DAP3: variants seen among roughly 807,000 people sequenced by gnomAD.
DAP3 encodes the protein death associated protein 3, also known as small ribosomal subunit protein mS29.
DAP3 carries 28 observed loss-of-function variants against 51.9 expected under a neutral mutation model. The ratio of observed to expected loss-of-function variants is 0.54; its 90% CI spans 0.40 to 0.74. The LOEUF (loss-of-function observed/expected upper bound fraction) is 0.74. Ranked by LOEUF, DAP3 falls within the 30% of genes least tolerant of loss-of-function variation. The pLI, the probability that DAP3 is intolerant of heterozygous loss-of-function variation, is 0.00. For missense variants in DAP3, 458 were observed against 483.5 expected (o/e 0.95, Z 0.49); for synonymous variants, 170 against 170.3 (o/e 1.00, Z 0.01).
In DAP3 at chr1:155,738,243, G is replaced by A. The variant is rs113031391; in HGVS notation, c.*1G>A. 1,889 of 1,614,146 alleles carry A rather than the reference G, an allele frequency of 1.2e-3. 1 individual carries two copies. The highest frequency in any genetic ancestry group is 1.5e-3 in the Non-Finnish European group (1,752 of 1,180,020). On this transcript the variant is annotated 3_prime_UTR_variant, in exon 13 of 13. Coordinates refer to ENST00000368336, the MANE Select transcript of DAP3 (RefSeq NM_004632.4). Reference sequence around the variant, plus strand: ...GGAGCGGCACTGTGCCTACCTCTAAGCCAAGATCACAGCATGTGAGGAAGA... The same window carrying A: ...GGAGCGGCACTGTGCCTACCTCTAAACCAAGATCACAGCATGTGAGGAAGA...
In DAP3 at chr1:155,726,781, T is replaced by C. The variant is rs1460033955; in HGVS notation, c.472+762T>C. On this transcript the variant is annotated intron_variant, in intron 6 of 12. Transcript: ENST00000368336. ...GCGTGGGCAACAAAGCAAGACCCTG[T>C]CTCAAAAAAAAAAAAAAAAAAGAAG... The C allele has an allele frequency of 1.6e-5, 2 of 125,388 alleles. 1 individual carries two copies. 7.8% of individuals were successfully genotyped at this position (125,388 alleles called of 1,614,324 possible). A position where few individuals can be genotyped will look rare whatever the true frequency, so the allele number is the denominator to read the frequency against.
chr1:155,690,127 G>A lies in DAP3; in HGVS notation c.-8+953G>A, dbSNP rs568404428. On this transcript the variant is annotated intron_variant, in intron 1 of 12. Coordinates refer to ENST00000368336, the MANE Select transcript of DAP3 (RefSeq NM_004632.4). Reference sequence around the variant, plus strand: ...ATAGTTGTATCAATGACTTGATTTAGATTAATGAGGATATATTTTTCAAAT... The same window carrying A: ...ATAGTTGTATCAATGACTTGATTTAAATTAATGAGGATATATTTTTCAAAT... 3.5e-4 allele frequency among the ~76,000 whole-genome samples: 50 copies of A among 141,414 alleles called. 2 individuals are homozygous for A. The highest frequency in any genetic ancestry group is 5.3e-4 in the Non-Finnish European group (36 of 68,018). 92.8% of individuals were successfully genotyped at this position (141,414 alleles called of 152,430 possible).
intron 2 of DAP3, among the ~76,000 whole-genome samples, chr1:155,712,111 ATACTT>A (rs1440501718): frequency 6.6e-6 from 1 of 152,030 alleles, no homozygotes; most frequent in Non-Finnish European, 1.5e-5. Context: ...CCCAGGAACA[ATACTT>A]TACAGCCTTT....
rs946995325 is a variant in DAP3, at chr1:155,727,700, A to G, written c.565A>G (p.Lys189Glu). The change falls in exon 7 of 13, where the codon AAG becomes GAG. Residue 189 changes from lysine (K) to glutamate (E), a missense_variant. Lys to Glu is a moderately conservative substitution (Grantham distance 56). Coordinates refer to ENST00000368336, the MANE Select transcript of DAP3 (RefSeq NM_004632.4). ...DQPLEASTWL[K>E]NFKTTNERFL... ...ACCTTTAGAGGCTTCAACCTGGCTG[A>G]AGAATTTCAAAACTACAAATGAGCG... 2.6e-5 allele frequency: 42 copies of G among 1,613,730 alleles called. No homozygotes were observed. The highest frequency in any genetic ancestry group is 3.4e-5 in the Non-Finnish European group (40 of 1,179,886).
At chr1:155,722,236 C>G (rs1658096487) in intron 4 of DAP3, among the ~76,000 whole-genome samples, 1 of 152,044 alleles carries the variant, frequency 6.6e-6, no homozygotes, top group Non-Finnish European at 1.5e-5. Context: ...GGAGACCTGT[C>G]TCTACAAAAA....
chr1:155,731,111 TA>T (rs1217005229), intron 9 of DAP3, among the ~76,000 whole-genome samples: 3 of 151,708 alleles, frequency 2.0e-5, no homozygotes, highest in African/African-American at 7.3e-5. Flanking sequence ...CTACTAAAAA[TA>T]CAAAAAAATT....
rs528190668 is a variant in DAP3, at chr1:155,693,660, G to A, written c.-8+4486G>A. On this transcript the variant is annotated intron_variant, in intron 1 of 12. Coordinates refer to ENST00000368336, the MANE Select transcript of DAP3 (RefSeq NM_004632.4). The stretch of plus-strand genomic sequence containing the variant: ...AGGAATTATTTTGAAGTACCACAGC[G>A]TGATCAGAGATGCAATCCTGGCCGG... Among the ~76,000 whole-genome samples, 26 of 142,180 alleles carry A rather than the reference G, an allele frequency of 1.8e-4. 4 individuals carry two copies. The highest frequency in any genetic ancestry group is 2.8e-4 in the African/African-American group (9 of 31,652). The allele number at this position is 142,180 out of a possible 152,430, so 93.3% of individuals were successfully genotyped here. A position where few individuals can be genotyped will look rare whatever the true frequency, so the allele number is the denominator to read the frequency against.
At chr1:155,731,888 G>T in intron 10 of DAP3, 56 bp from the exon 11 acceptor site, 2 of 1,497,928 alleles carry the variant, frequency 1.3e-6, no homozygotes, top group African/African-American at 1.4e-5. Context: ...GATGATTAAT[G>T]CAGTTTTCCA....
At chr1:155,730,237 ATG>A (rs1462160574) in intron 9 of DAP3, among the ~76,000 whole-genome samples, 1 of 149,492 alleles carries the variant, frequency 6.7e-6, no homozygotes. Flanking sequence ...ATATGTATAT[ATG>A]TATATATACG....
At chr1:155,733,852 CA>C (rs1557801844) in intron 11 of DAP3, among the ~76,000 whole-genome samples, 1 of 151,650 alleles carries the variant, frequency 6.6e-6, no homozygotes, top group African/African-American at 2.4e-5. Context: ...AAACAAAAAA[CA>C]AAAAAACAAT....
Position 155,709,776 on chromosome 1 carries a change from A to T in DAP3, c.-4A>T, listed in dbSNP as rs2149145635. 1 of 1,611,542 alleles carries T rather than the reference A, an allele frequency of 6.2e-7. No homozygotes were observed. The highest frequency in any genetic ancestry group is 2.2e-5 in the East Asian group (1 of 44,778). ...ACTTTTTTTTTTTTTGTAACAGTGC[A>T]AGGATGATGCTGAAAGGAATAACAA... On this transcript the variant is annotated 5_prime_UTR_variant, in exon 2 of 13. Coordinates refer to ENST00000368336, the MANE Select transcript of DAP3 (RefSeq NM_004632.4).
intron 1 of DAP3, among the ~76,000 whole-genome samples, chr1:155,693,244 A>G (rs763318604): frequency 7.0e-6 from 1 of 141,888 alleles, no homozygotes; most frequent in African/African-American, 3.2e-5. Flanking sequence ...TCGAATATCA[A>G]TATTTCCGAC....
chr1:155,733,380 T>A (rs1473235969), intron 11 of DAP3, among the ~76,000 whole-genome samples: 1 of 152,258 alleles, frequency 6.6e-6, no homozygotes, highest in Non-Finnish European at 1.5e-5. Context: ...ATCCTGTTAC[T>A]TCTCAAACTT....
intron 4 of DAP3, among the ~76,000 whole-genome samples, chr1:155,724,412 G>T (rs909868056): frequency 1.3e-5 from 2 of 150,468 alleles, no homozygotes; most frequent in Non-Finnish European, 3.0e-5. Context: ...GAGACGGGTG[G>T]ATCATGAGGT....
chr1:155,715,466 G>T (rs1406880351), intron 2 of DAP3, among the ~76,000 whole-genome samples: 2 of 151,970 alleles, frequency 1.3e-5, no homozygotes, highest in Non-Finnish European at 2.9e-5. Context: ...AGACTACAGT[G>T]TGCCGTGATC....
intron 2 of DAP3, among the ~76,000 whole-genome samples, chr1:155,715,371 A>C (rs1457966621): frequency 1.3e-5 from 2 of 151,946 alleles, no homozygotes; most frequent in Non-Finnish European, 2.9e-5. Flanking sequence ...AAATTAAAAA[A>C]ATTAGCTGGG....
At chr1:155,702,842 C>T (rs1489313618) in intron 1 of DAP3, among the ~76,000 whole-genome samples, 4 of 151,880 alleles carry the variant, frequency 2.6e-5, no homozygotes, top group Admixed American at 2.6e-4. Flanking sequence ...TGGTGGTGGG[C>T]ACCTGTAATC....
intron 1 of DAP3, among the ~76,000 whole-genome samples, chr1:155,700,514 T>TG (rs201056620): frequency 1.1e-4 from 17 of 149,750 alleles, no homozygotes; most frequent in South Asian, 2.1e-4. Context: ...TTGAGGGAGG[T>TG]GGGGGGGGCG....
chr1:155,732,233 C>CTTTTTT (rs202209826), intron 11 of DAP3, 200 bp downstream of exon 11: 2 of 276,164 alleles, frequency 7.2e-6, no homozygotes, highest in East Asian at 8.5e-5. Flanking sequence ...AGTTTCTTTT[C>CTTTTTT]TTTTTTTTTT....
Sources: allele counts gnomAD v4.1 joint callset (sites outside exome capture counted in the v4.1 genomes callset), GRCh38; gene constraint gnomAD v4.1.1; transcripts MANE v1.5; gene names NCBI Gene and HGNC (gene_info 2026-07-23, HGNC 2026-07-21).